ARL15: variants seen among roughly 807,000 people sequenced by gnomAD.
The protein encoded by ARL15 is ARF like GTPase 15.
A neutral mutation model predicts 25.2 loss-of-function variants in ARL15; 19 were observed. That is an observed-to-expected ratio of 0.75 (90% CI 0.53 to 1.10). The LOEUF (loss-of-function observed/expected upper bound fraction) is 1.10. Ranked by LOEUF, ARL15 falls within the 50% of genes least tolerant of loss-of-function variation. The pLI is 0.00. For synonymous variants in ARL15, 94 were observed against 86.8 expected, an observed-to-expected ratio of 1.08 and a Z score of -0.46; for missense variants, 220 against 246.0, an observed-to-expected ratio of 0.89 and a Z score of 0.71.
At chr5:54,176,816 G>A (rs1754887178) in intron 1 of ARL15, among the ~76,000 whole-genome samples, 1 of 152,184 alleles carries the variant, frequency 6.6e-6, no homozygotes. Flanking sequence ...CGCCATACAG[G>A]TAAATAACTG....
At chr5:54,177,227 C>A (rs1754903431) in intron 1 of ARL15, among the ~76,000 whole-genome samples, 1 of 152,164 alleles carries the variant, frequency 6.6e-6, no homozygotes, top group African/African-American at 2.4e-5. Context: ...TACCCACAAA[C>A]TTCTAGTGCT....
At chr5:53,906,103 C>T (rs1745243007) in intron 4 of ARL15, among the ~76,000 whole-genome samples, 1 of 152,184 alleles carries the variant, frequency 6.6e-6, no homozygotes, top group African/African-American at 2.4e-5. Flanking sequence ...GTAACCTGCA[C>T]ACTTTTTAGC....
intron 4 of ARL15, among the ~76,000 whole-genome samples, chr5:54,088,699 G>A (rs1249137427): frequency 1.3e-5 from 2 of 151,812 alleles, no homozygotes; most frequent in East Asian, 1.9e-4. Context: ...GCTATAATTT[G>A]TTGTTTACAT....
At chr5:54,169,997 C>T in intron 2 of ARL15, among the ~76,000 whole-genome samples, 1 of 152,152 alleles carries the variant, frequency 6.6e-6, no homozygotes, top group East Asian at 1.9e-4. Context: ...GAAAAGCTCT[C>T]AAAACCTGCA....
At chr5:54,116,582 C>T (rs956440913) in intron 3 of ARL15, among the ~76,000 whole-genome samples, 6 of 152,192 alleles carry the variant, frequency 3.9e-5, no homozygotes, top group African/African-American at 1.4e-4. Flanking sequence ...ACATAGCCAA[C>T]TAATGCCCAC....
intron 4 of ARL15, among the ~76,000 whole-genome samples, chr5:54,033,681 A>G (rs558467796): frequency 1.3e-5 from 2 of 152,264 alleles, no homozygotes; most frequent in African/African-American, 4.8e-5. Context: ...TCAAAAAAAA[A>G]AAAAAAGAAA....
intron 4 of ARL15, among the ~76,000 whole-genome samples, chr5:53,992,454 A>C (rs535115314): frequency 6.6e-6 from 1 of 152,188 alleles, no homozygotes. Context: ...AAGCACTGTC[A>C]TTCCAGGTTA....
chr5:53,889,891 C>CA (rs1744659314), intron 4 of ARL15, among the ~76,000 whole-genome samples: 1 of 150,826 alleles, frequency 6.6e-6, no homozygotes, highest in Non-Finnish European at 1.5e-5. Flanking sequence ...CGGCTCACTG[C>CA]AACCTCTGCC....
chr5:53,899,346 CCAAAAAAAAAAAAAAAAAAAAAA>C (rs1561140939), intron 4 of ARL15, among the ~76,000 whole-genome samples: 4 of 38,714 alleles, frequency 1.0e-4, no homozygotes, highest in Admixed American at 4.4e-4. Context: ...AGACTCTATC[CCAAAAAAAAAAAAAAAAAAAAAA>C]AAAAAAAAAA....
chr5:53,942,490 G>A (rs1365451158), intron 4 of ARL15, among the ~76,000 whole-genome samples: 1 of 152,170 alleles, frequency 6.6e-6, no homozygotes, highest in Non-Finnish European at 1.5e-5. Context: ...GCTCATGCCT[G>A]TAATCCCAGC....
At chr5:54,000,540 C>A (rs1054512125) in intron 4 of ARL15, among the ~76,000 whole-genome samples, 1 of 152,092 alleles carries the variant, frequency 6.6e-6, no homozygotes, top group African/African-American at 2.4e-5. Flanking sequence ...ATTAAGCCAC[C>A]TTGGGTACCA....
chr5:53,965,397 T>G (rs1325671842), intron 4 of ARL15, among the ~76,000 whole-genome samples: 1 of 152,208 alleles, frequency 6.6e-6, no homozygotes, highest in African/African-American at 2.4e-5. Flanking sequence ...AGAATATTAT[T>G]TTAGCAATCT....
intron 4 of ARL15, among the ~76,000 whole-genome samples, chr5:53,922,083 G>C (rs973542941): frequency 1.3e-4 from 20 of 152,168 alleles, no homozygotes; most frequent in African/African-American, 4.8e-4. Flanking sequence ...AACTTGTAGT[G>C]TAGCACCATG....
intron 4 of ARL15, among the ~76,000 whole-genome samples, chr5:54,073,671 C>T (rs1751490234): frequency 6.6e-6 from 1 of 152,190 alleles, no homozygotes; most frequent in South Asian, 2.1e-4. Flanking sequence ...GATTAAGTTT[C>T]CTTTTTTCCA....
At chr5:54,143,135 T>G (rs1298799894) in intron 3 of ARL15, among the ~76,000 whole-genome samples, 1 of 152,168 alleles carries the variant, frequency 6.6e-6, no homozygotes, top group Non-Finnish European at 1.5e-5. Flanking sequence ...AGTCTGTTAA[T>G]TGGCTATTTA....
At chr5:54,195,119 C>T (rs1454493904) in intron 1 of ARL15, among the ~76,000 whole-genome samples, 1 of 152,154 alleles carries the variant, frequency 6.6e-6, no homozygotes, top group East Asian at 1.9e-4. Context: ...TACTTCTCCC[C>T]ACTTAAGGCT....
At chr5:54,259,144 C>T (rs1757436001) in intron 1 of ARL15, among the ~76,000 whole-genome samples, 1 of 152,108 alleles carries the variant, frequency 6.6e-6, no homozygotes, top group Non-Finnish European at 1.5e-5. Flanking sequence ...CAGTATTCAT[C>T]AGGCCTCTAA....
At chr5:54,014,879 A>C (rs1286096366) in intron 4 of ARL15, among the ~76,000 whole-genome samples, 4 of 152,196 alleles carry the variant, frequency 2.6e-5, no homozygotes, top group African/African-American at 9.6e-5. Flanking sequence ...CCCTGTGTGC[A>C]AGTTAATATA....
intron 3 of ARL15, among the ~76,000 whole-genome samples, chr5:54,149,629 A>G (rs1260640343): frequency 6.6e-6 from 1 of 152,172 alleles, no homozygotes; most frequent in Non-Finnish European, 1.5e-5. Context: ...TTATTATCTC[A>G]CTTTACAGAT....
Sources: allele counts gnomAD v4.1 joint callset (sites outside exome capture counted in the v4.1 genomes callset), GRCh38; gene constraint gnomAD v4.1.1; transcripts MANE v1.5; gene names NCBI Gene and HGNC (gene_info 2026-07-23, HGNC 2026-07-21).